EXOC6: variants seen among roughly 807,000 people sequenced by gnomAD.
The protein encoded by EXOC6 is exocyst complex component 6.
A neutral mutation model predicts 112.5 loss-of-function variants in EXOC6; 60 were observed. That is an observed-to-expected ratio of 0.53 (90% confidence interval 0.43 to 0.66). The LOEUF is 0.66. Ranked by LOEUF, EXOC6 falls within the 30% of genes least tolerant of loss-of-function variation. EXOC6 has a pLI of 0.00. For missense variants in EXOC6, 855 were observed against 957.1 expected, an observed-to-expected ratio of 0.89 and a Z score of 1.41; for synonymous variants, 295 against 308.0, an observed-to-expected ratio of 0.96 and a Z score of 0.44.
chr10:92,835,703 A>G (rs985402121), intron 1 of EXOC6, among the ~76,000 whole-genome samples: 7 of 152,220 alleles, frequency 4.6e-5, no homozygotes, highest in African/African-American at 1.7e-4. Flanking sequence ...AGCTATTTAA[A>G]TCTTATTTTG....
intron 19 of EXOC6, among the ~76,000 whole-genome samples, chr10:93,008,950 T>C (rs1844118532): frequency 6.6e-6 from 1 of 152,232 alleles, no homozygotes; most frequent in Non-Finnish European, 1.5e-5. Flanking sequence ...CTGGATGCAG[T>C]GCCTCATACC....
intron 18 of EXOC6, among the ~76,000 whole-genome samples, chr10:92,982,401 T>A (rs1335181208): frequency 7.0e-6 from 1 of 143,588 alleles, no homozygotes; most frequent in African/African-American, 2.6e-5. Flanking sequence ...GACAGTGGCA[T>A]CACATTGGTA....
chr10:92,912,743 G>T (rs1366582294), intron 6 of EXOC6, among the ~76,000 whole-genome samples: 4 of 152,166 alleles, frequency 2.6e-5, no homozygotes, highest in Non-Finnish European at 4.4e-5. Flanking sequence ...GAAACAGGAC[G>T]TGAAGGTAGA....
intron 20 of EXOC6, 23 bp downstream of exon 20, chr10:93,014,290 C>G: frequency 6.3e-7 from 1 of 1,575,422 alleles, no homozygotes; most frequent in Non-Finnish European, 8.7e-7. Flanking sequence ...AATGTACTTC[C>G]CATTTGTTGC....
chr10:92,900,877 A>G (rs917569654), intron 5 of EXOC6: 29 of 152,202 alleles, frequency 1.9e-4, no homozygotes, highest in Non-Finnish European at 3.8e-4. Context: ...CATTTTCTCA[A>G]CTATCCCCAA....
At chr10:92,944,054 A>T (rs942833718) in intron 13 of EXOC6, among the ~76,000 whole-genome samples, 2 of 152,114 alleles carry the variant, frequency 1.3e-5, no homozygotes, top group Non-Finnish European at 2.9e-5. Flanking sequence ...CTCAAGGTTC[A>T]TCCTTGTTGT....
intron 12 of EXOC6, among the ~76,000 whole-genome samples, chr10:92,939,077 C>A (rs1025177148): frequency 6.6e-6 from 1 of 152,002 alleles, no homozygotes; most frequent in Admixed American, 6.6e-5. Context: ...CAAGGAAGGG[C>A]AAATAGTGGT....
At chr10:92,854,907 T>C (rs966201841) in intron 1 of EXOC6, among the ~76,000 whole-genome samples, 1 of 151,666 alleles carries the variant, frequency 6.6e-6, no homozygotes, top group African/African-American at 2.4e-5. Flanking sequence ...TTGGGTTTTT[T>C]CCCCCCTTTA....
At chr10:92,906,922 T>C (rs187937240) in intron 5 of EXOC6, among the ~76,000 whole-genome samples, 28 of 152,302 alleles carry the variant, frequency 1.8e-4, no homozygotes, top group Middle Eastern at 3.4e-3. Context: ...CAACATTATG[T>C]GTATCTAAAG....
intron 1 of EXOC6, among the ~76,000 whole-genome samples, chr10:92,871,483 A>G (rs1399935283): frequency 6.7e-6 from 1 of 150,002 alleles, no homozygotes; most frequent in Non-Finnish European, 1.5e-5. Context: ...TGGGTGACAG[A>G]ACAAGACCCT....
intron 12 of EXOC6, 140 bp from the exon 13 acceptor site, chr10:92,940,587 T>G: frequency 1.7e-6 from 1 of 603,766 alleles, no homozygotes; most frequent in Non-Finnish European, 2.9e-6. Flanking sequence ...AGTCAAAATG[T>G]ATCTTTTTTT....
At chr10:93,005,052 C>G (rs1843915322) in intron 19 of EXOC6, among the ~76,000 whole-genome samples, 1 of 152,040 alleles carries the variant, frequency 6.6e-6, no homozygotes, top group Non-Finnish European at 1.5e-5. Context: ...CAGTGGTAAG[C>G]AAAACAGAAA....
chr10:92,860,878 C>G (rs905332082), intron 1 of EXOC6, among the ~76,000 whole-genome samples: 1 of 152,078 alleles, frequency 6.6e-6, no homozygotes, highest in Non-Finnish European at 1.5e-5. Context: ...TGTGTTGCGT[C>G]CTCCTTTTGA....
upstream of EXOC6, among the ~76,000 whole-genome samples, chr10:92,830,113 C>T (rs1405316657): frequency 6.6e-6 from 1 of 152,154 alleles, no homozygotes; most frequent in Non-Finnish European, 1.5e-5. Context: ...AGTAGCCATT[C>T]TTTATTCCTT....
intron 1 of EXOC6, among the ~76,000 whole-genome samples, chr10:92,842,360 G>GAAA (rs34778339): frequency 1.9e-5 from 2 of 107,138 alleles, no homozygotes; most frequent in Non-Finnish European, 3.7e-5. Context: ...CTCTGTCTCA[G>GAAA]AAAAAAAAAA....
intron 5 of EXOC6, among the ~76,000 whole-genome samples, chr10:92,904,217 T>C (rs1195293644): frequency 1.3e-5 from 2 of 152,100 alleles, no homozygotes; most frequent in African/African-American, 4.8e-5. Context: ...GAAGGACATC[T>C]TGTTGCTTCC....
intron 19 of EXOC6, among the ~76,000 whole-genome samples, chr10:93,007,923 C>T (rs1844069691): frequency 6.6e-6 from 1 of 152,140 alleles, no homozygotes; most frequent in African/African-American, 2.4e-5. Context: ...GCCTGTAATT[C>T]AGCACTTTGG....
At chr10:92,891,485 C>T (rs746889718) in intron 1 of EXOC6, among the ~76,000 whole-genome samples, 1 of 151,976 alleles carries the variant, frequency 6.6e-6, no homozygotes, top group Non-Finnish European at 1.5e-5. Context: ...AACCTAAATT[C>T]TTTTTTTTCT....
intron 20 of EXOC6, among the ~76,000 whole-genome samples, chr10:93,033,318 TTCATAGTAGG>T (rs1365559411): frequency 6.6e-6 from 1 of 152,178 alleles, no homozygotes; most frequent in Non-Finnish European, 1.5e-5. Flanking sequence ...TTCACTGTAT[TTCATAGTAGG>T]TCATAGTAGC....
Sources: gnomAD v4.1 joint callset for allele counts (sites outside exome capture counted in the v4.1 genomes callset) on GRCh38, gnomAD v4.1.1 for gene constraint, MANE v1.5 for transcripts, NCBI Gene and HGNC (gene_info 2026-07-23, HGNC 2026-07-21) for gene names.